Variants in GALM observed in about 807,000 individuals in gnomAD.
GALM encodes the protein galactose mutarotase.
Under a neutral mutation model 37.4 loss-of-function variants are expected in GALM, and 43 were observed. The ratio of observed to expected loss-of-function variants is 1.15; its 90% CI spans 0.90 to 1.48. GALM has a LOEUF of 1.48. Ranked by LOEUF, GALM falls within the 40% of genes most tolerant of loss-of-function variation. GALM has a pLI of 0.00. For missense variants in GALM, 456 were observed against 419.1 expected (o/e 1.09, Z -0.77); for synonymous variants, 199 against 170.6 (o/e 1.17, Z -1.30).
intron 4 of GALM, among the ~76,000 whole-genome samples, chr2:38,707,850 A>G (rs1333257431): frequency 1.3e-5 from 2 of 152,044 alleles, no homozygotes; most frequent in Non-Finnish European, 2.9e-5. Context: ...GCTCATGCCT[A>G]TAATCCCAGC....
Position 38,681,271 on chromosome 2 carries a change from T to G in GALM, c.346-9T>G, listed in dbSNP as rs1461166734. The G allele has an allele frequency of 1.2e-6, 2 of 1,611,814 alleles. No individual in the cohort carries two copies. Among genetic ancestry groups the G allele is most frequent in the Non-Finnish European group, 8.5e-7 (1 of 1,179,314 alleles). ...GCAACTACACAACTTTGAAAACACT[T>G]TTTTCCAGGTGCTCTGGACCCCTCG... On this transcript the variant is annotated splice_polypyrimidine_tract_variant and intron_variant, in intron 2 of 6. Transcript: ENST00000272252.
chr2:38,725,941 A>G (rs1490844894), intron 4 of GALM, among the ~76,000 whole-genome samples: 2 of 151,990 alleles, frequency 1.3e-5, no homozygotes, highest in East Asian at 3.9e-4. Flanking sequence ...CAAACTCCTG[A>G]CCTCAAGTGA....
chr2:38,705,825 G>A (rs932095656), intron 4 of GALM, among the ~76,000 whole-genome samples: 7 of 152,230 alleles, frequency 4.6e-5, no homozygotes, highest in East Asian at 1.9e-4. Context: ...GGGCCATGCC[G>A]ATGAGCTGGG....
intron 4 of GALM, among the ~76,000 whole-genome samples, chr2:38,724,434 A>T (rs949047563): frequency 2.0e-5 from 3 of 152,230 alleles, no homozygotes; most frequent in Admixed American, 1.3e-4. Flanking sequence ...TGAACGATCA[A>T]TTGGACTTTG....
intron 5 of GALM, 41 bp from the exon 6 acceptor site, chr2:38,731,694 C>T: frequency 6.4e-7 from 1 of 1,553,762 alleles, no homozygotes; most frequent in South Asian, 1.1e-5. Context: ...TCCCCACCTG[C>T]TTTTCTGCCC....
chr2:38,695,911 C>T (rs1011964199), intron 4 of GALM, among the ~76,000 whole-genome samples: 2 of 152,074 alleles, frequency 1.3e-5, no homozygotes, highest in African/African-American at 4.8e-5. Flanking sequence ...GTTGACCAGG[C>T]TGATCTTGAA....
At chr2:38,690,018 T>C (rs1354633167) in intron 4 of GALM, 124 bp downstream of exon 4, 1 of 593,636 alleles carries the variant, frequency 1.7e-6, no homozygotes, top group Non-Finnish European at 3.0e-6. Context: ...AATAGAATTA[T>C]TCTAGTGGTA....
intron 2 of GALM, among the ~76,000 whole-genome samples, chr2:38,676,663 T>C (rs1448832427): frequency 6.6e-6 from 1 of 152,178 alleles, no homozygotes; most frequent in Non-Finnish European, 1.5e-5. Context: ...CTCTGGAGGC[T>C]GAGGCAAGAG....
chr2:38,682,564 G>T (rs13010022), intron 3 of GALM, among the ~76,000 whole-genome samples: 15,378 of 152,094 alleles, frequency 0.1, 886 homozygotes, highest in South Asian at 0.22. Flanking sequence ...TCACTTGCGG[G>T]TTCCTTATCC....
chr2:38,676,074 C>T lies in GALM; in HGVS notation c.345+8C>T, dbSNP rs191254505. ...GTCAGAGGGTTTGATAAAGTAAGTA[C>T]GGCACATGTGACTGAGTTCCCTTTA... is the stretch of plus-strand genomic sequence containing the variant. On this transcript the variant is annotated splice_region_variant and intron_variant, in intron 2 of 6. Coordinates refer to ENST00000272252, the MANE Select transcript of GALM (RefSeq NM_138801.3). 2.5e-4 allele frequency: 400 copies of T among 1,613,484 alleles called. 1 individual carries two copies. In the African/African-American group the frequency reaches 3.6e-3, roughly 15 times the overall value.
At chr2:38,725,284 C>G (rs972200503) in intron 4 of GALM, among the ~76,000 whole-genome samples, 4 of 152,136 alleles carry the variant, frequency 2.6e-5, no homozygotes, top group African/African-American at 9.7e-5. Flanking sequence ...CTTGTAAACC[C>G]AGTACTTTGG....
At chr2:38,714,441 C>T (rs1666229998) in intron 4 of GALM, among the ~76,000 whole-genome samples, 1 of 152,130 alleles carries the variant, frequency 6.6e-6, no homozygotes, top group South Asian at 2.1e-4. Flanking sequence ...TCTTGAACTC[C>T]TGACCTCAAG....
intron 1 of GALM, among the ~76,000 whole-genome samples, chr2:38,673,680 G>A (rs1340048588): frequency 1.3e-5 from 2 of 151,918 alleles, no homozygotes; most frequent in African/African-American, 4.8e-5. Context: ...CATGGTGGCG[G>A]GTGCCTGTAG....
chr2:38,696,268 T>C (rs952041144), intron 4 of GALM, among the ~76,000 whole-genome samples: 2 of 151,500 alleles, frequency 1.3e-5, no homozygotes, highest in Non-Finnish European at 2.9e-5. Flanking sequence ...TACAGGCATG[T>C]GCCACCACAC....
chr2:38,726,222 T>TA (rs1558597584), intron 4 of GALM, among the ~76,000 whole-genome samples: 74 of 13,430 alleles, frequency 5.5e-3, no homozygotes, highest in Middle Eastern at 0.021. Context: ...CTTTATTTTT[T>TA]TTTTTTTATT....
intron 4 of GALM, among the ~76,000 whole-genome samples, chr2:38,726,432 T>G (rs1429879107): frequency 1.3e-5 from 2 of 151,316 alleles, no homozygotes; most frequent in Admixed American, 1.3e-4. Flanking sequence ...TTCACCGTTT[T>G]AGCCGGGATG....
rs373380582 is a variant in GALM, at chr2:38,725,909, G to A, written c.635-3647G>A. ...GTATTTTTAGTAGAGACGGGGTTTC[G>A]CCATGTTGCCCAGGCTGGTCTCAAA... On this transcript the variant is annotated intron_variant, in intron 4 of 6. Transcript: ENST00000272252. Among the ~76,000 whole-genome samples the A allele has an allele frequency of 3.6e-4, 54 of 151,786 alleles. 1 individual carries two copies. Among genetic ancestry groups the A allele is most frequent in the African/African-American group, 1.3e-3 (52 of 41,418 alleles).
intron 4 of GALM, among the ~76,000 whole-genome samples, chr2:38,715,800 C>A (rs1666259459): frequency 6.6e-6 from 1 of 152,156 alleles, no homozygotes; most frequent in African/African-American, 2.4e-5. Flanking sequence ...ATAGTAACAG[C>A]CATATTACTG....
chr2:38,702,741 C>G (rs1178453450), intron 4 of GALM, among the ~76,000 whole-genome samples: 1 of 151,770 alleles, frequency 6.6e-6, no homozygotes, highest in Non-Finnish European at 1.5e-5. Flanking sequence ...GGCTTGGTCT[C>G]TTCGGGTTGA....
Sources: gnomAD v4.1 joint callset for allele counts (sites outside exome capture counted in the v4.1 genomes callset) on GRCh38, gnomAD v4.1.1 for gene constraint, MANE v1.5 for transcripts, NCBI Gene and HGNC (gene_info 2026-07-23, HGNC 2026-07-21) for gene names.